Variants in NOL4L observed in about 807,000 individuals in gnomAD.
NOL4L encodes the protein nucleolar protein 4 like, also known as nucleolar protein 4-like.
In NOL4L, 7 loss-of-function variants were observed where a neutral mutation model predicts 64.5. The ratio of observed to expected loss-of-function variants is 0.11; its 90% confidence interval spans 0.06 to 0.20. NOL4L has a LOEUF of 0.20. Among genes scored for constraint, NOL4L ranks in the 10% least tolerant of loss-of-function variants. The probability of loss-of-function intolerance (pLI) is 1.00; values close to 1 mark genes in which losing one functional copy is unlikely to be tolerated. For missense variants in NOL4L, 680 were observed against 967.1 expected (o/e 0.70, Z 3.94); for synonymous variants, 413 against 401.0 (o/e 1.03, Z -0.36).
Position 32,497,334 on chromosome 20 carries a change from TGACAAGAGTCA to T in NOL4L, c.699+14002_699+14012del, listed in dbSNP as rs2016734971. Among the ~76,000 whole-genome samples the T allele has an allele frequency of 2.7e-5, 4 of 148,044 alleles. No homozygotes were observed. The Middle Eastern group carries it at 0.011, about 391-fold the overall frequency. ...CCCACATGAAAAGGACCCATCAGGC[TGACAAGAGTCA>T]GGGTGGGTCAAGAACCTGTGTAAAA... On this transcript the variant is annotated intron_variant, in intron 4 of 10. Coordinates refer to ENST00000621426, the MANE Select transcript of NOL4L (RefSeq NM_001256798.2).
rs577559442 is a variant in NOL4L, at chr20:32,563,802, G to A, written c.321+20768C>T. Among the ~76,000 whole-genome samples the A allele has an allele frequency of 1.6e-4, 25 of 152,312 alleles. No homozygotes were observed. The East Asian group carries it at 4.2e-3, about 26-fold the overall frequency. ...TTACACCCCATGATGGAAAAGCCAC[G>A]ACGTCCTAGAGCCTGGGACATTGCC... On this transcript the variant is annotated intron_variant, in intron 1 of 10. Coordinates refer to ENST00000621426, the MANE Select transcript of NOL4L (RefSeq NM_001256798.2).
chr20:32,484,693 G>T (rs1170436460), intron 4 of NOL4L, among the ~76,000 whole-genome samples: 1 of 152,080 alleles, frequency 6.6e-6, no homozygotes, highest in Non-Finnish European at 1.5e-5. Flanking sequence ...CGGGGACGTC[G>T]CTCCAGCCCA....
At chr20:32,459,371 G>A (rs569251262) in intron 5 of NOL4L, among the ~76,000 whole-genome samples, 3 of 146,688 alleles carry the variant, frequency 2.0e-5, no homozygotes, top group South Asian at 4.3e-4. Context: ...ACACCACGAC[G>A]CTTGGCTAAT....
chr20:32,521,723 G>C (rs1245436244), intron 2 of NOL4L, among the ~76,000 whole-genome samples: 1 of 152,228 alleles, frequency 6.6e-6, no homozygotes, highest in African/African-American at 2.4e-5. Context: ...TAGGTGTCCA[G>C]CCCTTTCCTC....
chr20:32,534,665 C>A (rs1444950218), intron 1 of NOL4L, among the ~76,000 whole-genome samples: 1 of 151,842 alleles, frequency 6.6e-6, no homozygotes, highest in Non-Finnish European at 1.5e-5. Flanking sequence ...CCAGCCTGGG[C>A]AATACGGTGA....
intron 4 of NOL4L, among the ~76,000 whole-genome samples, chr20:32,500,464 C>T (rs1481855781): frequency 6.6e-6 from 1 of 150,450 alleles, no homozygotes; most frequent in African/African-American, 2.4e-5. Flanking sequence ...TGCCATTCTT[C>T]TGCCTCAGCC....
At chr20:32,470,375 GTTCA>G (rs939641610) in intron 5 of NOL4L, among the ~76,000 whole-genome samples, 4 of 152,240 alleles carry the variant, frequency 2.6e-5, no homozygotes, top group African/African-American at 9.6e-5. Flanking sequence ...GCATGCCTTC[GTTCA>G]TTTTCATCCA....
intron 4 of NOL4L, among the ~76,000 whole-genome samples, chr20:32,484,554 C>A (rs2015965039): frequency 6.6e-6 from 1 of 151,966 alleles, no homozygotes; most frequent in Non-Finnish European, 1.5e-5. Flanking sequence ...CAAACATCTA[C>A]GCGACCCCCA....
intron 1 of NOL4L, among the ~76,000 whole-genome samples, chr20:32,552,287 T>A (rs1978345204): frequency 6.6e-6 from 1 of 152,014 alleles, no homozygotes. Flanking sequence ...GAAATAACAG[T>A]GATTTCGCCC....
At chr20:32,526,720 C>T (rs1259874864) in intron 2 of NOL4L, among the ~76,000 whole-genome samples, 2 of 152,328 alleles carry the variant, frequency 1.3e-5, no homozygotes, top group East Asian at 3.9e-4. Flanking sequence ...GCCGTCTGAC[C>T]TTGGACAAGT....
chr20:32,583,654 C>G (rs989385137), intron 1 of NOL4L, among the ~76,000 whole-genome samples: 1 of 149,990 alleles, frequency 6.7e-6, no homozygotes, highest in Admixed American at 6.6e-5. Context: ...CCGCCCCCCC[C>G]CCAGCCCCCA....
At position 32,456,131 on chromosome 20, in the gene NOL4L, T is replaced by C; in HGVS notation, c.1106A>G (p.Lys369Arg). ...GLRSRVKYGVKTTPESPPYSS... is the reference protein window; with the variant it reads ...GLRSRVKYGVRTTPESPPYSS... ...AGCCCCACACACCTCGGGGGTGGTC[T>C]TCACCCCGTATTTGACGCGGCTCCG... Residue 369 changes from lysine to arginine, a missense_variant, in exon 6 of 11, where the codon AAG (lysine) becomes AGG (arginine). Lys to Arg is a conservative substitution (Grantham distance 26, BLOSUM62 2). Transcript: ENST00000621426. The C allele has an allele frequency of 6.5e-6, 10 of 1,541,196 alleles. No homozygotes were observed. Among genetic ancestry groups the C allele is most frequent in the Admixed American group, 1.9e-5 (1 of 51,474 alleles).
chr20:32,578,737 G>A (rs1980287915), intron 1 of NOL4L, among the ~76,000 whole-genome samples: 1 of 152,204 alleles, frequency 6.6e-6, no homozygotes, highest in South Asian at 2.1e-4. Flanking sequence ...AGGAAACTGA[G>A]ACTGAGAGAG....
intron 5 of NOL4L, among the ~76,000 whole-genome samples, chr20:32,472,551 T>C (rs1019833600): frequency 1.3e-5 from 2 of 152,208 alleles, no homozygotes; most frequent in African/African-American, 2.4e-5. Context: ...GACCTCACAT[T>C]TCTGCACCGT....
At chr20:32,449,490 T>A (rs1159713328) in intron 10 of NOL4L, among the ~76,000 whole-genome samples, 2 of 152,236 alleles carry the variant, frequency 1.3e-5, no homozygotes, top group Non-Finnish European at 2.9e-5. Context: ...AGCTGGAGTC[T>A]AAGATGGGAC....
chr20:32,513,600 C>T (rs140769769), intron 3 of NOL4L, among the ~76,000 whole-genome samples: 76 of 152,252 alleles, frequency 5.0e-4, no homozygotes, highest in African/African-American at 1.3e-3. Context: ...CGGTGGCTCA[C>T]GCATGTAATC....
At chr20:32,510,060 G>A (rs990073401) in intron 4 of NOL4L, 4 of 764,094 alleles carry the variant, frequency 5.2e-6, no homozygotes, top group South Asian at 1.4e-5. Flanking sequence ...CCTCATTACC[G>A]ACACTCCTGC....
intron 1 of NOL4L, among the ~76,000 whole-genome samples, chr20:32,583,494 G>T (rs1980636982): frequency 6.8e-6 from 1 of 146,918 alleles, no homozygotes; most frequent in African/African-American, 2.5e-5. Context: ...GGAGGCCGGC[G>T]CGGGGCGGCC....
At chr20:32,469,995 G>A (rs537954341) in intron 5 of NOL4L, among the ~76,000 whole-genome samples, 3 of 152,262 alleles carry the variant, frequency 2.0e-5, no homozygotes, top group Non-Finnish European at 2.9e-5. Flanking sequence ...CAGGTTGGAG[G>A]AGCGGCCTCA....
Sources: allele counts gnomAD v4.1 joint callset (sites outside exome capture counted in the v4.1 genomes callset), GRCh38; gene constraint gnomAD v4.1.1; transcripts MANE v1.5; gene names NCBI Gene and HGNC (gene_info 2026-07-23, HGNC 2026-07-21).